ZNF280D: variants seen among roughly 807,000 people sequenced by gnomAD.
ZNF280D encodes the protein zinc finger protein 280D.
Under a neutral mutation model 94.7 loss-of-function variants are expected in ZNF280D, and 39 were observed. The ratio of observed to expected loss-of-function variants is 0.41; its 90% CI spans 0.32 to 0.54. The LOEUF (loss-of-function observed/expected upper bound fraction) is 0.54. ZNF280D is among the 20% of genes least tolerant of loss of function. The probability of loss-of-function intolerance (pLI) is 0.22; values close to 1 mark genes in which losing one functional copy is unlikely to be tolerated. For missense variants in ZNF280D, 1,090 were observed against 1,149.3 expected, an observed-to-expected ratio of 0.95 and a Z score of 0.75; for synonymous variants, 398 against 377.6, an observed-to-expected ratio of 1.05 and a Z score of -0.63.
intron 6 of ZNF280D, chr15:56,700,416 T>C: frequency 1.5e-6 from 1 of 688,742 alleles, no homozygotes. Context: ...GCACAAACAC[T>C]TATACATATT....
At position 56,631,622 on chromosome 15, in the gene ZNF280D, C is replaced by T; in HGVS notation, c.2816G>A (p.Ser939Asn). The change falls in exon 22 of 22, where the codon AGT becomes AAT. Residue 939 changes from serine to asparagine, a missense_variant. By Grantham distance (46) the Ser-to-Asn change is conservative. Transcript: ENST00000267807. ...ATCAGTCTTGGCTGAAGGATCACCA[C>T]TACCTTTCTGAAGAATCTCTGTGGC... ...YEATEILQKG[S>N]GDPSAKTDEV... The T allele has an allele frequency of 1.9e-6, 3 of 1,614,102 alleles. No homozygotes were observed. The highest frequency in any genetic ancestry group is 2.5e-6 in the Non-Finnish European group (3 of 1,179,984).
At chr15:56,717,641 A>C (rs1316938824) in intron 1 of ZNF280D, among the ~76,000 whole-genome samples, 4 of 152,124 alleles carry the variant, frequency 2.6e-5, no homozygotes, top group African/African-American at 9.7e-5. Flanking sequence ...TTAAATGCAT[A>C]TATTATTTCA....
Position 56,631,809 on chromosome 15 carries a change from A to G in ZNF280D, c.2629T>C (p.Ser877Pro). The change falls in exon 22 of 22, where the codon TCT becomes CCT. Residue 877 changes from serine to proline, a missense_variant. This residue lies in a region of ZNF280D where 577 missense variants were observed against 568.8 expected (regional missense o/e 1.01). Transcript: ENST00000267807. ...KDHNSSEARF[S>P]SKNIKDLRLA... ...CGCAAATCCTTAATATTCTTTGAAG[A>G]AAATCTGGCTTCACTGGAGTTGTGA... 1 of 1,614,082 alleles carries G rather than the reference A, an allele frequency of 6.2e-7. No homozygotes were observed. Among genetic ancestry groups the G allele is most frequent in the Non-Finnish European group, 8.5e-7 (1 of 1,180,026 alleles).
chr15:56,700,866 C>T lies in ZNF280D; in HGVS notation c.381+67G>A, dbSNP rs764799422. ...GACAGTCCAGAATTGTAACTGGGTA[C>T]TGTTGATATTGATAAACAACATCCA... On this transcript the variant is annotated intron_variant, in intron 6 of 21. Transcript: ENST00000267807. 1.9e-5 allele frequency: 30 copies of T among 1,612,306 alleles called. No homozygotes were observed. The South Asian group carries it at 3.3e-4, about 18-fold the overall frequency.
intron 1 of ZNF280D, among the ~76,000 whole-genome samples, chr15:56,714,633 A>G (rs2141330128): frequency 6.6e-6 from 1 of 152,240 alleles, no homozygotes; most frequent in Middle Eastern, 3.4e-3. Flanking sequence ...AAAAAGATAG[A>G]GCAATGAGGC....
At chr15:56,647,029 T>A (rs1337888529) in intron 19 of ZNF280D, among the ~76,000 whole-genome samples, 3 of 152,128 alleles carry the variant, frequency 2.0e-5, no homozygotes, top group Non-Finnish European at 4.4e-5. Flanking sequence ...AAGATGAAAC[T>A]GAAAACATAC....
chr15:56,717,325 A>G (rs1012214840), intron 1 of ZNF280D, among the ~76,000 whole-genome samples: 3 of 152,180 alleles, frequency 2.0e-5, no homozygotes, highest in Non-Finnish European at 2.9e-5. Flanking sequence ...TGAAAGGACT[A>G]AAGTTATTTA....
chr15:56,711,140 C>T (rs1286260172), intron 1 of ZNF280D, among the ~76,000 whole-genome samples: 2 of 152,182 alleles, frequency 1.3e-5, no homozygotes, highest in Non-Finnish European at 2.9e-5. Flanking sequence ...GACTCAATCA[C>T]TTATTACCAA....
At chr15:56,702,391 A>T (rs563184316) in intron 4 of ZNF280D, among the ~76,000 whole-genome samples, 44 of 152,328 alleles carry the variant, frequency 2.9e-4, no homozygotes, top group African/African-American at 1.1e-3. Flanking sequence ...ATATGTTAAC[A>T]TATTTTATGG....
At chr15:56,728,249 C>T (rs2058724247) in intron 1 of ZNF280D, among the ~76,000 whole-genome samples, 1 of 152,056 alleles carries the variant, frequency 6.6e-6, no homozygotes, top group Admixed American at 6.6e-5. Context: ...TCTCAAACTC[C>T]TAGGCTCAAG....
chr15:56,644,797 GACAGAGGTTT>G (rs1458548146), intron 19 of ZNF280D, among the ~76,000 whole-genome samples: 2 of 152,128 alleles, frequency 1.3e-5, no homozygotes, highest in Admixed American at 6.6e-5. Flanking sequence ...GGAGGTTGGT[GACAGAGGTTT>G]TTATCACTCT....
intron 19 of ZNF280D, among the ~76,000 whole-genome samples, chr15:56,647,650 A>G (rs11857706): frequency 0.48 from 72,238 of 151,964 alleles, 18,926 homozygotes; most frequent in East Asian, 0.62. Flanking sequence ...TCTCATCACC[A>G]TCTCCTGAGT....
intron 1 of ZNF280D, among the ~76,000 whole-genome samples, chr15:56,732,280 A>G (rs1333210001): frequency 1.3e-5 from 2 of 152,208 alleles, no homozygotes; most frequent in African/African-American, 4.8e-5. Context: ...AAAAGGGGCT[A>G]AGAGATACAA....
rs556712766 is a variant in ZNF280D, at chr15:56,714,592, G to A, written c.-85-7286C>T. On this transcript the variant is annotated intron_variant, in intron 1 of 21. Transcript: ENST00000267807. ...TCAGGACTAGAATAGGGAAAATCCA[G>A]GTCCTGGAAGAGGCTGCTCTTTCCA... Among the ~76,000 whole-genome samples the A allele has an allele frequency of 1.6e-4, 24 of 152,252 alleles. No individual in the cohort carries two copies. The South Asian group carries it at 2.1e-3, about 13-fold the overall frequency.
In ZNF280D at chr15:56,689,360, C is replaced by T. The variant is rs769493939; in HGVS notation, c.610G>A (p.Ala204Thr). The change falls in exon 8 of 22, where the codon GCT (alanine) becomes ACT (threonine). Residue 204 changes from alanine to threonine, a missense_variant. Around this residue, in one of 3 missense-constraint regions of ZNF280D, gnomAD observed 386 missense variants for 372.0 expected, o/e 1.04. Transcript: ENST00000267807. ...SESVSGANSSAVLPSVKSPSV... is the reference protein window; with the variant it reads ...SESVSGANSSTVLPSVKSPSV... ...GGAGATTTAACTGAAGGTAATACAG[C>T]TGAGGAATTTGCTCCAGAAACACTT... 4.3e-6 allele frequency: 7 copies of T among 1,609,966 alleles called. No individual in the cohort carries two copies. Among genetic ancestry groups the T allele is most frequent in the Non-Finnish European group, 5.9e-6 (7 of 1,178,088 alleles).
Position 56,654,303 on chromosome 15 carries a change from A to G in ZNF280D, c.2177-69T>C. 4 of 1,598,210 alleles carry G rather than the reference A, an allele frequency of 2.5e-6. No individual in the cohort carries two copies. The South Asian group carries it at 4.6e-5, about 18-fold the overall frequency. ...ATATGATGAGTGAGAATAATGATTT[A>G]GTAAAGAGACCATATTGTGGATGAC... On this transcript the variant is annotated intron_variant, in intron 18 of 21. Coordinates refer to ENST00000267807, the MANE Select transcript of ZNF280D (RefSeq NM_017661.4).
At chr15:56,654,935 G>A in intron 17 of ZNF280D, 1 of 365,520 alleles carries the variant, frequency 2.7e-6, no homozygotes, top group Middle Eastern at 3.7e-4. Context: ...ATATAATGGT[G>A]AACAAGAAAT....
chr15:56,701,562 TAAA>T (rs2057072519), intron 4 of ZNF280D, among the ~76,000 whole-genome samples: 1 of 152,098 alleles, frequency 6.6e-6, no homozygotes, highest in African/African-American at 2.4e-5. Context: ...ACATACTTGA[TAAA>T]AATTTTCCAA....
chr15:56,719,335 A>C (rs11071287), intron 1 of ZNF280D, among the ~76,000 whole-genome samples: 74,275 of 150,478 alleles, frequency 0.49, 19,764 homozygotes, highest in East Asian at 0.61. Flanking sequence ...TTGTTTAAAA[A>C]AAAAAACAAA....
Sources: gnomAD v4.1 joint callset for allele counts (sites outside exome capture counted in the v4.1 genomes callset) on GRCh38, gnomAD v4.1.1 for gene constraint, gnomAD v4.1.1 regional missense constraint, MANE v1.5 for transcripts, NCBI Gene and HGNC (gene_info 2026-07-23, HGNC 2026-07-21) for gene names.